The following SLC24A3 variants were observed in gnomAD, a reference collection of about 807,000 sequenced individuals.
SLC24A3 encodes solute carrier family 24 member 3, also known as sodium/potassium/calcium exchanger 3.
A neutral mutation model predicts 75.8 loss-of-function variants in SLC24A3; 28 were observed. The ratio of observed to expected loss-of-function variants is 0.37; its 90% confidence interval spans 0.27 to 0.51. SLC24A3 has a LOEUF of 0.51. Ranked by LOEUF, SLC24A3 falls within the 20% of genes least tolerant of loss-of-function variation. The pLI, the probability that SLC24A3 is intolerant of heterozygous loss-of-function variation, is 0.94. For missense variants in SLC24A3, 663 were observed against 847.8 expected, an observed-to-expected ratio of 0.78 and a Z score of 2.71; for synonymous variants, 372 against 334.1, an observed-to-expected ratio of 1.11 and a Z score of -1.24.
At chr20:19,419,453 T>C (rs145278677) in intron 2 of SLC24A3, among the ~76,000 whole-genome samples, 1 of 151,966 alleles carries the variant, frequency 6.6e-6, no homozygotes, top group African/African-American at 2.4e-5. Flanking sequence ...GGACCGGGGA[T>C]CTGGTATAAA....
chr20:19,642,293 A>G (rs749344209), intron 6 of SLC24A3, among the ~76,000 whole-genome samples: 7 of 152,338 alleles, frequency 4.6e-5, no homozygotes, highest in Admixed American at 2.0e-4. Context: ...CCTTATGTAT[A>G]TATGCACACA....
chr20:19,240,375 C>A (rs1982297300), intron 1 of SLC24A3, among the ~76,000 whole-genome samples: 1 of 152,168 alleles, frequency 6.6e-6, no homozygotes, highest in South Asian at 2.1e-4. Flanking sequence ...GGAGAAGTAG[C>A]TCTGAATTGT....
At chr20:19,407,995 T>C (rs1986678301) in intron 2 of SLC24A3, among the ~76,000 whole-genome samples, 1 of 152,240 alleles carries the variant, frequency 6.6e-6, no homozygotes, top group Non-Finnish European at 1.5e-5. Context: ...CTGAACATTC[T>C]TTCTGTAACA....
At chr20:19,457,026 G>A (rs1286010369) in intron 2 of SLC24A3, among the ~76,000 whole-genome samples, 1 of 152,184 alleles carries the variant, frequency 6.6e-6, no homozygotes, top group Non-Finnish European at 1.5e-5. Context: ...GCCAGACATG[G>A]CTCCTCCGTG....
chr20:19,390,462 C>T (rs1986347377), intron 2 of SLC24A3, among the ~76,000 whole-genome samples: 1 of 152,114 alleles, frequency 6.6e-6, no homozygotes, highest in African/African-American at 2.4e-5. Flanking sequence ...GTGCCTGGGT[C>T]CACAGGGGCT....
At chr20:19,262,739 T>C (rs562370453) in intron 1 of SLC24A3, among the ~76,000 whole-genome samples, 1 of 152,304 alleles carries the variant, frequency 6.6e-6, no homozygotes, top group South Asian at 2.1e-4. Flanking sequence ...GTGGTATCTA[T>C]GATGGGGACA....
intron 2 of SLC24A3, among the ~76,000 whole-genome samples, chr20:19,513,740 A>G (rs1459554505): frequency 8.3e-5 from 5 of 60,436 alleles, no homozygotes; most frequent in African/African-American, 3.2e-4. Flanking sequence ...TTTTTTTAGA[A>G]AAAAAAAAAA....
chr20:19,358,047 C>G (rs1985721585), intron 2 of SLC24A3, among the ~76,000 whole-genome samples: 2 of 152,242 alleles, frequency 1.3e-5, no homozygotes, highest in African/African-American at 4.8e-5. Flanking sequence ...GATGTGCCCT[C>G]CAGCTCAGCT....
At chr20:19,366,113 A>G (rs776194214) in intron 2 of SLC24A3, among the ~76,000 whole-genome samples, 44 of 148,690 alleles carry the variant, frequency 3.0e-4, no homozygotes, top group Admixed American at 6.7e-5. Flanking sequence ...TTTTCAAGCT[A>G]TTATGCTACA....
intron 15 of SLC24A3, among the ~76,000 whole-genome samples, chr20:19,700,074 A>AT (rs1473379748): frequency 2.6e-5 from 4 of 152,350 alleles, no homozygotes; most frequent in Admixed American, 2.6e-4. Context: ...TCCTGGAGGT[A>AT]TGCAAGGATT....
At chr20:19,430,055 G>T (rs748047294) in intron 2 of SLC24A3, among the ~76,000 whole-genome samples, 2 of 152,190 alleles carry the variant, frequency 1.3e-5, no homozygotes, top group African/African-American at 4.8e-5. Flanking sequence ...GAGTCCCAAG[G>T]GGGAGAGGGA....
At chr20:19,360,380 C>T (rs1568599332) in intron 2 of SLC24A3, among the ~76,000 whole-genome samples, 2 of 152,234 alleles carry the variant, frequency 1.3e-5, no homozygotes, top group African/African-American at 2.4e-5. Flanking sequence ...GCAAATGACC[C>T]AATATCTCAA....
At chr20:19,655,229 A>G (rs2032252001) in intron 7 of SLC24A3, among the ~76,000 whole-genome samples, 1 of 151,946 alleles carries the variant, frequency 6.6e-6, no homozygotes, top group Non-Finnish European at 1.5e-5. Flanking sequence ...CATCTCCACC[A>G]CTTACTCCCC....
chr20:19,426,086 G>A (rs76601275), intron 2 of SLC24A3, among the ~76,000 whole-genome samples: 3 of 152,138 alleles, frequency 2.0e-5, no homozygotes, highest in African/African-American at 7.2e-5. Context: ...CCCTTCAAGT[G>A]GAAAGTGCTT....
intron 2 of SLC24A3, among the ~76,000 whole-genome samples, chr20:19,378,904 G>T (rs548444693): frequency 0.042 from 4,796 of 113,030 alleles, 267 homozygotes; most frequent in African/African-American, 0.15. Flanking sequence ...TTTAAAAAAA[G>T]CTCAAAAAAA....
chr20:19,546,920 G>A (rs1282941477), intron 3 of SLC24A3, among the ~76,000 whole-genome samples: 1 of 152,118 alleles, frequency 6.6e-6, no homozygotes, highest in Non-Finnish European at 1.5e-5. Flanking sequence ...CAACAACTCT[G>A]ACCTGCTTCC....
chr20:19,346,344 G>GTGGT (rs199707702), intron 2 of SLC24A3, among the ~76,000 whole-genome samples: 5 of 46,696 alleles, frequency 1.1e-4, no homozygotes, highest in Admixed American at 5.0e-4. Context: ...ATATATATAT[G>GTGGT]GTATATATAT....
intron 2 of SLC24A3, among the ~76,000 whole-genome samples, chr20:19,391,106 C>G (rs1332333901): frequency 1.3e-5 from 2 of 152,250 alleles, no homozygotes; most frequent in Non-Finnish European, 2.9e-5. Context: ...CTTGTCATCA[C>G]TGCTCACGTG....
chr20:19,481,435 T>C (rs1267316203), intron 2 of SLC24A3, among the ~76,000 whole-genome samples: 1 of 152,170 alleles, frequency 6.6e-6, no homozygotes, highest in Non-Finnish European at 1.5e-5. Flanking sequence ...TGGTAAATGG[T>C]GGAGTCACAG....
Sources: gnomAD v4.1 joint callset for allele counts (sites outside exome capture counted in the v4.1 genomes callset) on GRCh38, gnomAD v4.1.1 for gene constraint, MANE v1.5 for transcripts, NCBI Gene and HGNC (gene_info 2026-07-23, HGNC 2026-07-21) for gene names.